Variants in STPG2 observed in about 807,000 individuals in gnomAD.
STPG2 encodes the protein sperm-tail PG-rich repeat-containing protein 2.
Under a neutral mutation model 54.2 loss-of-function variants are expected in STPG2, and 56 were observed. The ratio of observed to expected loss-of-function variants is 1.03; its 90% CI spans 0.83 to 1.29. STPG2 has a LOEUF of 1.29. Among genes scored for constraint, STPG2 ranks in the 50% most tolerant of loss-of-function variants. The pLI is 0.00. For synonymous variants in STPG2, 200 were observed against 181.8 expected, an observed-to-expected ratio of 1.10 and a Z score of -0.81; for missense variants, 596 against 544.9, an observed-to-expected ratio of 1.09 and a Z score of -0.93.
intron 8 of STPG2, among the ~76,000 whole-genome samples, chr4:97,851,613 T>A (rs1417977537): frequency 6.6e-6 from 1 of 152,210 alleles, no homozygotes; most frequent in East Asian, 1.9e-4. Context: ...TAAAGGTGGA[T>A]ACAATTTATA....
At chr4:98,091,598 G>A (rs1039962641) in intron 5 of STPG2, among the ~76,000 whole-genome samples, 2 of 151,906 alleles carry the variant, frequency 1.3e-5, no homozygotes, top group African/African-American at 2.4e-5. Flanking sequence ...TTAGATATTT[G>A]TATCTTCCAT....
At chr4:98,021,083 C>T (rs1383274193) in intron 5 of STPG2, among the ~76,000 whole-genome samples, 2 of 151,970 alleles carry the variant, frequency 1.3e-5, no homozygotes, top group African/African-American at 2.4e-5. Context: ...CTTGCTCTTG[C>T]TTTTCTAGTT....
Position 97,599,738 on chromosome 4 carries a change from G to A in STPG2, c.1321-40621C>T, listed in dbSNP as rs1383432383. Among the ~76,000 whole-genome samples the A allele has an allele frequency of 2.0e-5, 3 of 151,340 alleles. No homozygotes were observed. The East Asian group carries it at 5.9e-4, about 30-fold the overall frequency. The stretch of plus-strand genomic sequence containing the variant: ...ACTCGGGAGGCTGAGGCAGGAGAAT[G>A]GCGTGAACCTCGGAGGTGGAGCTTG... On this transcript the variant is annotated intron_variant, in intron 10 of 10. Coordinates refer to ENST00000295268, the MANE Select transcript of STPG2 (RefSeq NM_174952.3).
At chr4:97,485,013 T>TTTA (rs1730318649) in intron 4 of STPG2, among the ~76,000 whole-genome samples, 1 of 151,388 alleles carries the variant, frequency 6.6e-6, no homozygotes, top group Non-Finnish European at 1.5e-5. Context: ...CCAGCATCCC[T>TTTA]TGATTAAAAC....
At chr4:97,773,530 AC>A (rs1451702335) in intron 9 of STPG2, among the ~76,000 whole-genome samples, 2 of 152,104 alleles carry the variant, frequency 1.3e-5, no homozygotes, top group African/African-American at 4.8e-5. Context: ...TAGACAGGTC[AC>A]AGACTCATGA....
chr4:97,489,837 T>C lies in STPG2; in HGVS notation c.462+222862A>G, dbSNP rs143381495. On this transcript the variant is annotated intron_variant, in intron 4 of 4. Transcript: ENST00000522676. ...TGTAAGTGTTTTGCTCTGGGTAAAT[T>C]AGGAGAAATCTTAATCTCCAGATGG... is the stretch of plus-strand genomic sequence containing the variant. 13 of 151,462 alleles carry C rather than the reference T, an allele frequency of 8.6e-5. No individual in the cohort carries two copies. In the East Asian group the frequency reaches 2.5e-3, roughly 30 times the overall value. The allele number at this position is 151,462 out of a possible 1,614,324, so 9.4% of individuals were successfully genotyped here. A position where few individuals can be genotyped will look rare whatever the true frequency, so the allele number is the denominator to read the frequency against.
chr4:97,692,861 C>T (rs957710222), intron 10 of STPG2, among the ~76,000 whole-genome samples: 2 of 152,072 alleles, frequency 1.3e-5, no homozygotes, highest in Non-Finnish European at 2.9e-5. Flanking sequence ...AGCAGAAATC[C>T]TACAAGCGAG....
At chr4:97,888,645 G>C (rs1730665461) in intron 8 of STPG2, among the ~76,000 whole-genome samples, 1 of 152,164 alleles carries the variant, frequency 6.6e-6, no homozygotes, top group African/African-American at 2.4e-5. Context: ...ACTTTGGACT[G>C]TGTACTTTTG....
intron 4 of STPG2, among the ~76,000 whole-genome samples, chr4:97,511,735 A>T: frequency 6.6e-6 from 1 of 152,224 alleles, no homozygotes; most frequent in African/African-American, 2.4e-5. Context: ...CCATACATAG[A>T]TAATAACAAA....
intron 7 of STPG2, 31 bp from the exon 8 acceptor site, chr4:97,944,038 T>C (rs1263633480): frequency 1.4e-6 from 2 of 1,431,940 alleles, no homozygotes; most frequent in African/African-American, 2.8e-5. Flanking sequence ...AAAGAGTACA[T>C]CATTTATTTT....
chr4:97,912,106 G>T (rs1731703714), intron 8 of STPG2, among the ~76,000 whole-genome samples: 1 of 151,808 alleles, frequency 6.6e-6, no homozygotes, highest in Admixed American at 6.6e-5. Context: ...CAGAAGAGCG[G>T]CCTGTTAGAA....
At chr4:97,751,605 T>C (rs111410708) in intron 9 of STPG2, among the ~76,000 whole-genome samples, 1 of 151,864 alleles carries the variant, frequency 6.6e-6, no homozygotes, top group African/African-American at 2.4e-5. Context: ...ATTAGGTATC[T>C]TAAGGAGAGA....
intron 8 of STPG2, among the ~76,000 whole-genome samples, chr4:97,858,837 G>C (rs2149138106): frequency 6.6e-6 from 1 of 152,240 alleles, no homozygotes; most frequent in East Asian, 1.9e-4. Context: ...TTTTGGAATT[G>C]TGAATTGCGC....
chr4:98,141,568 G>A (rs1740283083), intron 1 of STPG2, among the ~76,000 whole-genome samples: 1 of 152,244 alleles, frequency 6.6e-6, no homozygotes. Flanking sequence ...CTATAGCCTG[G>A]AAGCCCCCAC....
chr4:97,915,567 G>T (rs1031393852), intron 8 of STPG2, among the ~76,000 whole-genome samples: 9 of 152,062 alleles, frequency 5.9e-5, no homozygotes, highest in Admixed American at 4.6e-4. Flanking sequence ...AGAAGAGACT[G>T]CCCCTTGCCT....
At chr4:97,863,913 A>G (rs1377761960) in intron 8 of STPG2, among the ~76,000 whole-genome samples, 1 of 152,018 alleles carries the variant, frequency 6.6e-6, no homozygotes, top group Non-Finnish European at 1.5e-5. Flanking sequence ...CATGCTAAAA[A>G]CTCTCAATAA....
rs112288722 is a variant in STPG2 at position 97,880,994 on chromosome 4, A to C, written c.1045-40062T>G. On this transcript the variant is annotated intron_variant, in intron 8 of 10. Transcript: ENST00000295268. ...TAATGAGGAAAGGATTTATTTACCA[A>C]TTTTGAAGAAATAAAAAGAGCAAAA... Among the ~76,000 whole-genome samples the C allele has an allele frequency of 5.7e-3, 866 of 152,184 alleles. 5 individuals carry two copies. Among genetic ancestry groups the C allele is most frequent in the Middle Eastern group, 0.02 (6 of 294 alleles).
At chr4:97,621,232 C>T (rs768185222) in intron 10 of STPG2, among the ~76,000 whole-genome samples, 3 of 152,028 alleles carry the variant, frequency 2.0e-5, no homozygotes, top group Non-Finnish European at 4.4e-5. Context: ...ACTAGAGGAA[C>T]TAGAGACACA....
intron 5 of STPG2, among the ~76,000 whole-genome samples, chr4:98,047,756 T>G (rs1737182637): frequency 7.0e-6 from 1 of 142,518 alleles, no homozygotes; most frequent in Admixed American, 7.0e-5. Context: ...TCTTGTATTT[T>G]TAGAAATAAC....
Sources: gnomAD v4.1 joint callset for allele counts (sites outside exome capture counted in the v4.1 genomes callset) on GRCh38, gnomAD v4.1.1 for gene constraint, MANE v1.5 for transcripts, NCBI Gene and HGNC (gene_info 2026-07-23, HGNC 2026-07-21) for gene names.